Variants in PRDM16 observed in about 807,000 individuals in gnomAD.
PRDM16 encodes the protein histone-lysine N-methyltransferase PRDM16.
In PRDM16, 23 loss-of-function variants were observed where a neutral mutation model predicts 110.6. The ratio of observed to expected loss-of-function variants is 0.21; its 90% CI spans 0.15 to 0.29. The LOEUF (loss-of-function observed/expected upper bound fraction) is 0.29. PRDM16 is among the 10% of genes least tolerant of loss of function. The pLI, the probability that PRDM16 is intolerant of heterozygous loss-of-function variation, is 1.00. For synonymous variants in PRDM16, 799 were observed against 781.8 expected, an observed-to-expected ratio of 1.02 and a Z score of -0.37; for missense variants, 1,615 against 1,794.3, an observed-to-expected ratio of 0.90 and a Z score of 1.81.
rs1373919842 is a variant in PRDM16, at chr1:3,208,237, C to T, written c.387+21763C>T. 6.6e-6 allele frequency: 1 copy of T among 152,268 alleles called. No individual in the cohort carries two copies. Among genetic ancestry groups the T allele is most frequent in the Non-Finnish European group, 1.5e-5 (1 of 68,090 alleles). 9.4% of individuals were successfully genotyped at this position (152,268 alleles called of 1,614,324 possible). On this transcript the variant is annotated intron_variant, in intron 2 of 16. Transcript: ENST00000270722. This position sits in a 1 kb window ranked among gnomAD's most constrained non-coding sequence, Gnocchi z 6.1. ...CTCCCTGACAAGGGGACCTCTTCTT[C>T]CCGGGATCTTGTTCCGACCTTTGCT...
chr1:3,089,591 T>C (rs1642226796), intron 1 of PRDM16, among the ~76,000 whole-genome samples: 1 of 152,208 alleles, frequency 6.6e-6, no homozygotes, highest in South Asian at 2.1e-4. Flanking sequence ...TACAATAGTG[T>C]TTCTAATTTA....
chr1:3,401,592 A>G (rs912575076), intron 5 of PRDM16, among the ~76,000 whole-genome samples: 7 of 152,174 alleles, frequency 4.6e-5, no homozygotes, highest in Non-Finnish European at 8.8e-5. Flanking sequence ...CCATTGGCGC[A>G]CACACACACA....
intron 2 of PRDM16, among the ~76,000 whole-genome samples, chr1:3,227,876 C>T (rs556987122): frequency 1.6e-4 from 24 of 152,360 alleles, no homozygotes; most frequent in Middle Eastern, 3.4e-3. Context: ...TTAGAGCCGG[C>T]GTTCTCTCTT....
intron 3 of PRDM16, among the ~76,000 whole-genome samples, chr1:3,348,729 G>A (rs1159307890): frequency 6.6e-6 from 1 of 152,258 alleles, no homozygotes; most frequent in East Asian, 1.9e-4. Flanking sequence ...GGAACAGTCT[G>A]TCCTCCCCTC....
chr1:3,242,906 T>G (rs1358196355), intron 2 of PRDM16, among the ~76,000 whole-genome samples: 2 of 152,262 alleles, frequency 1.3e-5, no homozygotes, highest in Admixed American at 1.3e-4. Flanking sequence ...CGACCGTGCA[T>G]GGCCACTTTG....
At chr1:3,105,996 C>T (rs1017339240) in intron 1 of PRDM16, among the ~76,000 whole-genome samples, 3 of 151,222 alleles carry the variant, frequency 2.0e-5, no homozygotes, top group Non-Finnish European at 2.9e-5. Flanking sequence ...CCTGAAAGCT[C>T]TGCCCTGTCC....
intron 2 of PRDM16, among the ~76,000 whole-genome samples, chr1:3,212,597 A>C: frequency 2.7e-5 from 4 of 145,970 alleles, no homozygotes; most frequent in East Asian, 2.0e-4. Context: ...GCCCCCGCTC[A>C]TCCTCCCGGC....
In PRDM16 at chr1:3,350,581, T is replaced by C. The variant is rs1417377356; in HGVS notation, c.439-34571T>C. Among the ~76,000 whole-genome samples, 1 of 152,082 alleles carries C rather than the reference T, an allele frequency of 6.6e-6. No homozygotes were observed. The highest frequency in any genetic ancestry group is 1.5e-5 in the Non-Finnish European group (1 of 67,980). On this transcript the variant is annotated intron_variant, in intron 3 of 16. Transcript: ENST00000270722. This position sits in a 1 kb window ranked among gnomAD's most constrained non-coding sequence, Gnocchi z 7.1. ...GGAGGGGACCAGGGTGGCAGGCAGC[T>C]GTGGGCGGGTGGAAAGCAGAGCTGG...
Position 3,411,603 on chromosome 1 carries a change from T to C in PRDM16, c.1406T>C (p.Met469Thr), listed in dbSNP as rs759284712. The C allele has an allele frequency of 5.6e-6, 9 of 1,613,810 alleles. No individual in the cohort carries two copies. Among genetic ancestry groups the C allele is most frequent in the Non-Finnish European group, 6.8e-6 (8 of 1,179,984 alleles). Residue 469 changes from methionine (M) to threonine (T), a missense_variant, in exon 9 of 17, where the codon ATG becomes ACG. By Grantham distance (81) the Met-to-Thr change is moderately conservative. This residue lies in a region of PRDM16 where 772 missense variants were observed against 748.3 expected (regional missense o/e 1.03). Transcript: ENST00000270722. Reference protein sequence around the residue: ...PGLPLTPSPMMDKAKPSPSLN... With the variant: ...PGLPLTPSPMTDKAKPSPSLN... ...CTGCCCTTGACCCCCAGCCCCATGA[T>C]GGACAAGGCAAAACCCTCCCCCAGC...
chr1:3,390,904 C>T lies in PRDM16; in HGVS notation c.574-5587C>T, dbSNP rs1643289881. ...AGGCCAGAGTGCAATAGCACAATCT[C>T]GGCTCACTGCAACCTCCGCCTCCCG... On this transcript the variant is annotated intron_variant, in intron 4 of 16. Coordinates refer to ENST00000270722, the MANE Select transcript of PRDM16 (RefSeq NM_022114.4). This position sits in a 1 kb window ranked among gnomAD's most constrained non-coding sequence, Gnocchi z 5.0. Among the ~76,000 whole-genome samples the T allele has an allele frequency of 2.0e-5, 3 of 149,590 alleles. No homozygotes were observed. Among genetic ancestry groups the T allele is most frequent in the South Asian group, 2.1e-4 (1 of 4,720 alleles).
rs1643713538 is a variant in PRDM16, at chr1:3,412,697, G to A, written c.2500G>A (p.Gly834Ser). ...CCACGTCTATGGGGAACGCAAGCTG[G>A]GCGCCGGCGAGGGGCTGCCCCAGGT... ...KNHVYGERKL[G>S]AGEGLPQVCP... The change falls in exon 9 of 17, where the codon GGC (glycine) becomes AGC (serine). Residue 834 changes from glycine to serine, a missense_variant. Physicochemically the swap from Gly to Ser is moderately conservative, Grantham distance 56. Transcript: ENST00000270722. 2 of 1,494,702 alleles carry A rather than the reference G, an allele frequency of 1.3e-6. No homozygotes were observed. The highest frequency in any genetic ancestry group is 1.3e-5 in the South Asian group (1 of 76,052). The allele number at this position is 1,494,702 out of a possible 1,614,324, so 92.6% of individuals were successfully genotyped here.
intron 12 of PRDM16, among the ~76,000 whole-genome samples, chr1:3,419,604 CT>C (rs926062395): frequency 2.6e-5 from 4 of 152,214 alleles, no homozygotes; most frequent in African/African-American, 9.6e-5. Flanking sequence ...CAGGGTGTGT[CT>C]GTTCACAGAG....
Position 3,190,796 on chromosome 1 carries a change from A to G in PRDM16, c.387+4322A>G, listed in dbSNP as rs1193573749. 6.6e-6 allele frequency among the ~76,000 whole-genome samples: 1 copy of G among 152,184 alleles called. No homozygotes were observed. The highest frequency in any genetic ancestry group is 1.5e-5 in the Non-Finnish European group (1 of 68,018). On this transcript the variant is annotated intron_variant, in intron 2 of 16. Coordinates refer to ENST00000270722, the MANE Select transcript of PRDM16 (RefSeq NM_022114.4). The surrounding 1 kb of genome is among the most constrained non-coding windows in gnomAD (Gnocchi z 5.0). ...CGCCGTGGGGTCTGCAAAAACAATGATTTTCACATTTGTTGAGTAAATCAT... is the reference window on the plus strand; with the variant it reads ...CGCCGTGGGGTCTGCAAAAACAATGGTTTTCACATTTGTTGAGTAAATCAT...
intron 4 of PRDM16, 157 bp from the exon 5 acceptor site, chr1:3,396,334 T>C: frequency 1.4e-6 from 1 of 698,374 alleles, no homozygotes; most frequent in Non-Finnish European, 2.6e-6. Context: ...GCGCATACTC[T>C]GCAAAAGTTC....
chr1:3,304,979 G>T (rs1351841206), intron 3 of PRDM16, among the ~76,000 whole-genome samples: 1 of 152,170 alleles, frequency 6.6e-6, no homozygotes, highest in Non-Finnish European at 1.5e-5. Flanking sequence ...GCTGAAGCTG[G>T]ACAGTGCTCT....
chr1:3,092,941 G>A (rs952506400), intron 1 of PRDM16, among the ~76,000 whole-genome samples: 7 of 152,166 alleles, frequency 4.6e-5, no homozygotes, highest in South Asian at 2.1e-4. Flanking sequence ...CTGCTACCTC[G>A]GGCCCCTGGG....
At chr1:3,073,845 G>T (rs1210645256) in intron 1 of PRDM16, among the ~76,000 whole-genome samples, 5 of 152,214 alleles carry the variant, frequency 3.3e-5, no homozygotes, top group African/African-American at 1.2e-4. Context: ...GGACCCCGGG[G>T]TCCCCTCCTC....
intron 14 of PRDM16, among the ~76,000 whole-genome samples, chr1:3,426,670 GC>G (rs1638616912): frequency 6.6e-6 from 1 of 152,080 alleles, no homozygotes. Context: ...ACATAGGTAT[GC>G]CCCGTGTACA....
At chr1:3,405,428 G>A (rs1404287268) in intron 7 of PRDM16, 67 bp from the exon 8 acceptor site, 13 of 1,479,214 alleles carry the variant, frequency 8.8e-6, no homozygotes, top group Middle Eastern at 2.4e-4. Flanking sequence ...CGGTTGGTCC[G>A]CCAGCCAGAA....
Sources: gnomAD v4.1 joint callset for allele counts (sites outside exome capture counted in the v4.1 genomes callset) on GRCh38, gnomAD v4.1.1 for gene constraint, gnomAD v4.1.1 regional missense constraint, Gnocchi (gnomAD v3.1) non-coding constraint, MANE v1.5 for transcripts, NCBI Gene and HGNC (gene_info 2026-07-23, HGNC 2026-07-21) for gene names.